Variants in SLC14A1 observed in about 807,000 individuals in gnomAD.
SLC14A1 encodes urea transporter 1.
SLC14A1 carries 36 observed loss-of-function variants against 39.6 expected under a neutral mutation model. The observed-to-expected ratio is 0.91, with a 90% CI of 0.70 to 1.20. The LOEUF (loss-of-function observed/expected upper bound fraction) is 1.20, where lower values mean the gene tolerates loss of function less well. Ranked by LOEUF, SLC14A1 falls within the 50% of genes most tolerant of loss-of-function variation. The pLI is 0.00. For missense variants in SLC14A1, 469 were observed against 478.7 expected, an observed-to-expected ratio of 0.98 and a Z score of 0.19; for synonymous variants, 164 against 173.6, an observed-to-expected ratio of 0.94 and a Z score of 0.43.
At position 45,739,231 on chromosome 18, in the gene SLC14A1, T is replaced by C; in HGVS notation, c.732T>C (p.Ile244=). The C allele has an allele frequency of 6.2e-7, 1 of 1,614,096 alleles. No homozygotes were observed. Among genetic ancestry groups the C allele is most frequent in the Non-Finnish European group, 8.5e-7 (1 of 1,180,012 alleles). Residue 244 remains isoleucine (I), a synonymous_variant, in exon 7 of 10, where the codon ATT becomes ATC. Coordinates refer to ENST00000321925, the MANE Select transcript of SLC14A1 (RefSeq NM_015865.7). ...GTGATAATCCATGGACAGGGGGCAT[T>C]TTCCTGGGAGCCATCCTACTCTCCT... ...YGCDNPWTGG[I]FLGAILLSSP...
chr18:45,751,082 G>A lies in SLC14A1; in HGVS notation c.*1131G>A, dbSNP rs2047688900. 4.2e-6 allele frequency: 4 copies of A among 955,676 alleles called. No individual in the cohort carries two copies. Among genetic ancestry groups the A allele is most frequent in the Middle Eastern group, 5.4e-4 (1 of 1,864 alleles). 59.2% of individuals were successfully genotyped at this position (955,676 alleles called of 1,614,324 possible). A position where few individuals can be genotyped will look rare whatever the true frequency, so the allele number is the denominator to read the frequency against. On this transcript the variant is annotated 3_prime_UTR_variant, in exon 10 of 10. Coordinates refer to ENST00000321925, the MANE Select transcript of SLC14A1 (RefSeq NM_015865.7). ...GGGCTGAGTGCGGTGGCTCACGCCT[G>A]TAATCCCAGCACTTTGGGGAGCCCA...
In SLC14A1 at chr18:45,748,367, T is replaced by C. The variant is rs2047611313; in HGVS notation, c.947-9T>C. 6.2e-7 allele frequency: 1 copy of C among 1,614,180 alleles called. No individual in the cohort carries two copies. Among genetic ancestry groups the C allele is most frequent in the Non-Finnish European group, 8.5e-7 (1 of 1,179,990 alleles). ...AGCATTGTTCTTTCCCTCCTTTTTT[T>C]TTCTGTAGCCCTGTTCACGGCCTAT... On this transcript the variant is annotated splice_polypyrimidine_tract_variant and intron_variant, in intron 8 of 9. Transcript: ENST00000321925.
chr18:45,744,602 T>C (rs2047488826), intron 8 of SLC14A1, among the ~76,000 whole-genome samples: 2 of 152,166 alleles, frequency 1.3e-5, no homozygotes, highest in Admixed American at 6.5e-5. Flanking sequence ...ATGAGATATA[T>C]ATATGGTTTT....
intron 8 of SLC14A1, chr18:45,739,919 A>G (rs1002359377): frequency 1.9e-6 from 1 of 537,356 alleles, no homozygotes; most frequent in African/African-American, 1.9e-5. Context: ...GATGTTTGGG[A>G]GGATAGAAAA....
At chr18:45,738,272 GGA>G (rs1253129359) in intron 6 of SLC14A1, among the ~76,000 whole-genome samples, 3 of 152,192 alleles carry the variant, frequency 2.0e-5, no homozygotes, top group African/African-American at 7.2e-5. Flanking sequence ...TAGCAATGGT[GGA>G]GAGGGCAAGA....
chr18:45,739,993 G>A (rs1330699282), intron 8 of SLC14A1: 3 of 379,176 alleles, frequency 7.9e-6, no homozygotes, highest in Non-Finnish European at 1.5e-5. Context: ...CCTGGTGCAT[G>A]CCACACATGC....
intron 8 of SLC14A1, among the ~76,000 whole-genome samples, chr18:45,743,117 A>T (rs1218439762): frequency 6.6e-6 from 1 of 152,142 alleles, no homozygotes; most frequent in Non-Finnish European, 1.5e-5. Context: ...AAAACAAAAC[A>T]AAAATGTAAT....
chr18:45,736,787 A>G (rs1384415414), intron 6 of SLC14A1, 139 bp downstream of exon 6: 1 of 767,834 alleles, frequency 1.3e-6, no homozygotes, highest in Admixed American at 2.0e-5. Context: ...TGCCATTTAA[A>G]GCATTTGTTC....
At chr18:45,743,430 C>A (rs2047448330) in intron 8 of SLC14A1, among the ~76,000 whole-genome samples, 2 of 151,874 alleles carry the variant, frequency 1.3e-5, no homozygotes, top group Admixed American at 6.6e-5. Flanking sequence ...ACTGGTGTAG[C>A]ATAATGGTTG....
rs1020183217 is a variant in SLC14A1, at chr18:45,739,617, T to A, written c.901T>A (p.Phe301Ile). 1.9e-6 allele frequency: 3 copies of A among 1,614,074 alleles called. No homozygotes were observed. The highest frequency in any genetic ancestry group is 2.7e-5 in the African/African-American group (2 of 74,928). Residue 301 changes from phenylalanine (F) to isoleucine (I), a missense_variant, in exon 8 of 10, where the codon TTC becomes ATC. Transcript: ENST00000321925. Reference protein sequence around the residue: ...SLACIAMGGMFMALTWQTHLL... With the variant: ...SLACIAMGGMIMALTWQTHLL... ...GGCCTGCATTGCAATGGGAGGAATG[T>A]TCATGGCGCTCACCTGGCAAACCCA...
intron 2 of SLC14A1, chr18:45,729,606 T>C (rs1201822041): frequency 6.6e-6 from 1 of 152,226 alleles, no homozygotes; most frequent in African/African-American, 2.4e-5. Context: ...TTTCTCTACC[T>C]TGATGAAATA....
chr18:45,748,133 C>T (rs1038743002), intron 8 of SLC14A1, among the ~76,000 whole-genome samples: 3 of 152,176 alleles, frequency 2.0e-5, no homozygotes, highest in African/African-American at 7.2e-5. Context: ...CTCACACCAA[C>T]ACCATGAAAA....
intron 6 of SLC14A1, 76 bp from the exon 7 acceptor site, chr18:45,739,087 T>A: frequency 6.9e-7 from 1 of 1,441,846 alleles, no homozygotes; most frequent in Non-Finnish European, 9.8e-7. Context: ...AATTACATTG[T>A]AGGAGTTTGT....
intron 2 of SLC14A1, 76 bp from the exon 3 acceptor site, chr18:45,730,224 T>G (rs2046987694): frequency 2.0e-6 from 3 of 1,473,380 alleles, no homozygotes; most frequent in Non-Finnish European, 2.8e-6. Flanking sequence ...GATCTTCTAC[T>G]GTAACCAGGC....
chr18:45,725,616 C>A (rs2046843969), intron 2 of SLC14A1, among the ~76,000 whole-genome samples: 1 of 152,322 alleles, frequency 6.6e-6, no homozygotes, highest in African/African-American at 2.4e-5. Flanking sequence ...CTCCAGCACA[C>A]AGAAACTGCT....
At chr18:45,735,338 C>T (rs1017748439) in intron 5 of SLC14A1, among the ~76,000 whole-genome samples, 4 of 152,186 alleles carry the variant, frequency 2.6e-5, no homozygotes, top group African/African-American at 7.2e-5. Context: ...GGGTGGGGCC[C>T]GAGAATTTGC....
Position 45,739,544 on chromosome 18 carries a change from C to T in SLC14A1, c.828C>T (p.Ala276=). The T allele has an allele frequency of 1.9e-6, 3 of 1,614,138 alleles. No individual in the cohort carries two copies. Among genetic ancestry groups the T allele is most frequent in the South Asian group, 1.1e-5 (1 of 91,080 alleles). The change falls in exon 8 of 10, where the codon GCC becomes GCT. Residue 276 remains alanine, a synonymous_variant. Transcript: ENST00000321925. ...LGIAAGLSLS[A]PFEDIYFGLW... ...TCTTAACAGGACTCAGTCTTTCAGC[C>T]CCATTTGAGGACATCTACTTTGGAC...
chr18:45,735,025 G>C (rs524382), intron 5 of SLC14A1, among the ~76,000 whole-genome samples: 2 of 152,202 alleles, frequency 1.3e-5, no homozygotes, highest in Non-Finnish European at 2.9e-5. Context: ...ATGGGGAAGG[G>C]AAACAGTGCT....
intron 9 of SLC14A1, among the ~76,000 whole-genome samples, chr18:45,748,637 A>G (rs192394448): frequency 6.6e-6 from 1 of 152,338 alleles, no homozygotes; most frequent in East Asian, 1.9e-4. Flanking sequence ...TGTTACAAGT[A>G]TCAGATTGCT....
Sources: allele counts gnomAD v4.1 joint callset (sites outside exome capture counted in the v4.1 genomes callset), GRCh38; gene constraint gnomAD v4.1.1; transcripts MANE v1.5; gene names NCBI Gene and HGNC (gene_info 2026-07-23, HGNC 2026-07-21).